The following SASS6 variants were observed in gnomAD, a reference collection of about 807,000 sequenced individuals.
SASS6 encodes SAS-6 centriolar assembly protein, also known as spindle assembly abnormal protein 6 homolog.
SASS6 carries 59 observed loss-of-function variants against 94.9 expected under a neutral mutation model. That is an observed-to-expected ratio of 0.62 (90% CI 0.50 to 0.77). SASS6 has a LOEUF of 0.77. Among genes scored for constraint, SASS6 ranks in the 30% least tolerant of loss-of-function variants. The probability of loss-of-function intolerance (pLI) is 0.00; values close to 1 mark genes in which losing one functional copy is unlikely to be tolerated. For missense variants in SASS6, 698 were observed against 734.1 expected (o/e 0.95, Z 0.57); for synonymous variants, 264 against 270.0 (o/e 0.98, Z 0.22).
chr1:100,109,959 G>C (rs140307696), intron 8 of SASS6, among the ~76,000 whole-genome samples: 1 of 151,594 alleles, frequency 6.6e-6, no homozygotes, highest in African/African-American at 2.4e-5. Flanking sequence ...TGTTAAGCAG[G>C]TTGAGGAAAA....
chr1:100,129,270 GA>G (rs200532425), intron 1 of SASS6, among the ~76,000 whole-genome samples: 1,536 of 151,830 alleles, frequency 0.01, 10 homozygotes, highest in Middle Eastern at 0.017. Flanking sequence ...TTGAACATAG[GA>G]TGACACAAAC....
intron 14 of SASS6, among the ~76,000 whole-genome samples, chr1:100,095,068 T>C (rs565436707): frequency 7.2e-5 from 11 of 152,176 alleles, no homozygotes; most frequent in Middle Eastern, 3.4e-3. Context: ...TTAACAACCA[T>C]TCATGATAAA....
Position 100,103,895 on chromosome 1 carries a change from T to C in SASS6, c.1546-812A>G, listed in dbSNP as rs199857885. On this transcript the variant is annotated intron_variant, in intron 13 of 16. Coordinates refer to ENST00000287482, the MANE Select transcript of SASS6 (RefSeq NM_194292.3). ...GTAGCCAAGGACCACCAGGAACCCA[T>C]GTATAGATATACGAGCTAGATTTAT... is the stretch of plus-strand genomic sequence containing the variant. Among the ~76,000 whole-genome samples, 8 of 152,304 alleles carry C rather than the reference T, an allele frequency of 5.3e-5. No individual in the cohort carries two copies. The East Asian group carries it at 1.3e-3, about 26-fold the overall frequency.
In SASS6 at chr1:100,130,658, C is replaced by T. The variant is rs1369719419; in HGVS notation, c.65+2092G>A. ...GAGCTGTAATCGTGCTACAATACTC[C>T]AGTCTGGGCAACAGAGCGAGACTCT... On this transcript the variant is annotated intron_variant, in intron 1 of 16. Transcript: ENST00000287482. Among the ~76,000 whole-genome samples the T allele has an allele frequency of 2.1e-5, 3 of 144,624 alleles. No individual in the cohort carries two copies. The Admixed American group carries it at 2.1e-4, about 10-fold the overall frequency. 94.9% of individuals were successfully genotyped at this position (144,624 alleles called of 152,430 possible).
intron 12 of SASS6, among the ~76,000 whole-genome samples, chr1:100,106,144 C>G (rs977719017): frequency 6.6e-6 from 1 of 152,142 alleles, no homozygotes; most frequent in African/African-American, 2.4e-5. Flanking sequence ...GCTAGTCAAG[C>G]AACTCTTTGA....
rs115457450 is a variant in SASS6 at position 100,124,844 on chromosome 1, C to T, written c.126+1038G>A. On this transcript the variant is annotated intron_variant, in intron 2 of 16. Coordinates refer to ENST00000287482, the MANE Select transcript of SASS6 (RefSeq NM_194292.3). ...CCATTAGATTCTCATAAGGAGCATA[C>T]AGCTGAGATCCCTTGCATGTACAGT... 1.9e-3 allele frequency among the ~76,000 whole-genome samples: 288 copies of T among 152,338 alleles called. 1 individual carries two copies. The highest frequency in any genetic ancestry group is 6.8e-3 in the Middle Eastern group (2 of 294).
chr1:100,106,508 G>T lies in SASS6; in HGVS notation c.1408+404C>A, dbSNP rs367753214. On this transcript the variant is annotated intron_variant, in intron 12 of 16. Transcript: ENST00000287482. ...TAAAGCAGAAATTACTTATATATTGGCCAATGTCTACTTTTATGAATTCGA... is the reference window on the plus strand; with the variant it reads ...TAAAGCAGAAATTACTTATATATTGTCCAATGTCTACTTTTATGAATTCGA... 8.5e-5 allele frequency among the ~76,000 whole-genome samples: 13 copies of T among 152,172 alleles called. No individual in the cohort carries two copies. The East Asian group carries it at 1.9e-3, about 23-fold the overall frequency.
chr1:100,130,036 A>G (rs1654884042), intron 1 of SASS6, among the ~76,000 whole-genome samples: 1 of 152,212 alleles, frequency 6.6e-6, no homozygotes. Flanking sequence ...TTCTCATAAT[A>G]CCATGAAGTA....
Position 100,121,359 on chromosome 1 carries a change from A to C in SASS6, c.483+19T>G. ...TGATACTTATTTTGTTAAAAGAATA[A>C]CTTAAATTTAAATCTTACCTTGCTA... On this transcript the variant is annotated intron_variant, in intron 5 of 16. Coordinates refer to ENST00000287482, the MANE Select transcript of SASS6 (RefSeq NM_194292.3). The C allele has an allele frequency of 2.8e-6, 4 of 1,439,840 alleles. No homozygotes were observed. Among genetic ancestry groups the C allele is most frequent in the Non-Finnish European group, 3.8e-6 (4 of 1,054,988 alleles). The allele number at this position is 1,439,840 out of a possible 1,614,324, so 89.2% of individuals were successfully genotyped here.
At chr1:100,126,898 AC>A (rs1267167909) in intron 1 of SASS6, among the ~76,000 whole-genome samples, 1 of 152,252 alleles carries the variant, frequency 6.6e-6, no homozygotes, top group African/African-American at 2.4e-5. Context: ...TTTCACATCC[AC>A]GAATTAAATC....
intron 14 of SASS6, 150 bp downstream of exon 14, chr1:100,102,805 C>A: frequency 3.5e-6 from 2 of 565,172 alleles, no homozygotes; most frequent in Non-Finnish European, 6.3e-6. Flanking sequence ...CACATAGATA[C>A]TAGATATTCA....
rs368431755 is a variant in SASS6, at chr1:100,107,917, C to T, written c.949G>A (p.Val317Ile). ...DVECHEKEKH[V>I]NQLQTKVAVL... ...GCCACTTTTGTTTGTAGCTGATTAA[C>T]GTGCTTTTCTTTCTCGTGGCATTCA... Residue 317 changes from valine (V) to isoleucine (I), a missense_variant, in exon 9 of 17, where the codon GTT becomes ATT. Transcript: ENST00000287482. 64 of 1,612,048 alleles carry T rather than the reference C, an allele frequency of 4.0e-5. No homozygotes were observed. The highest frequency in any genetic ancestry group is 6.6e-5 in the South Asian group (6 of 91,034).
intron 1 of SASS6, among the ~76,000 whole-genome samples, chr1:100,130,706 A>G (rs1416337929): frequency 9.9e-6 from 1 of 100,510 alleles, no homozygotes; most frequent in Non-Finnish European, 2.2e-5. Flanking sequence ...AAAAAAAAAG[A>G]GAGAGAGAAA....
At chr1:100,123,757 C>T (rs1654371457) in intron 2 of SASS6, among the ~76,000 whole-genome samples, 1 of 152,206 alleles carries the variant, frequency 6.6e-6, no homozygotes, top group South Asian at 2.1e-4. Context: ...TCTCAGAAGA[C>T]CAGGGTATCA....
chr1:100,131,070 A>G (rs1391156326), intron 1 of SASS6, among the ~76,000 whole-genome samples: 2 of 152,258 alleles, frequency 1.3e-5, no homozygotes, highest in Admixed American at 1.3e-4. Context: ...GAGTTTCCAT[A>G]TTGAAACCAA....
chr1:100,119,265 A>G (rs990373145), intron 6 of SASS6, 128 bp from the exon 7 acceptor site: 4 of 471,180 alleles, frequency 8.5e-6, no homozygotes, highest in African/African-American at 8.1e-5. Context: ...ACATGTTCAA[A>G]GCCTTTTCCT....
rs1170287044 is a variant in SASS6 at position 100,083,627 on chromosome 1, T to C, written c.*1701A>G. On this transcript the variant is annotated 3_prime_UTR_variant, in exon 17 of 17. Coordinates refer to ENST00000287482, the MANE Select transcript of SASS6 (RefSeq NM_194292.3). ...CAAAGTTTACAGAAATAACATTAAA[T>C]GCAACACTTTTTGATTATTAACACA... is the stretch of plus-strand genomic sequence containing the variant. 1 of 152,074 alleles carries C rather than the reference T, an allele frequency of 6.6e-6. No individual in the cohort carries two copies. Among genetic ancestry groups the C allele is most frequent in the Non-Finnish European group, 1.5e-5 (1 of 67,940 alleles). 9.4% of individuals were successfully genotyped at this position (152,074 alleles called of 1,614,324 possible). A position where few individuals can be genotyped will look rare whatever the true frequency, so the allele number is the denominator to read the frequency against.
At chr1:100,108,107 ATAATTT>A (rs1200260866) in intron 8 of SASS6, 103 bp from the exon 9 acceptor site, 10 of 639,322 alleles carry the variant, frequency 1.6e-5, no homozygotes, top group Non-Finnish European at 2.2e-5. Flanking sequence ...AAAGTCTTTA[ATAATTT>A]TAAAGTTTTA....
intron 8 of SASS6, among the ~76,000 whole-genome samples, chr1:100,109,274 T>C (rs1653131846): frequency 6.6e-6 from 1 of 152,080 alleles, no homozygotes; most frequent in South Asian, 2.1e-4. Flanking sequence ...GGTCAGGCTT[T>C]AGAGCTTCTA....
Sources: gnomAD v4.1 joint callset for allele counts (sites outside exome capture counted in the v4.1 genomes callset) on GRCh38, gnomAD v4.1.1 for gene constraint, MANE v1.5 for transcripts, NCBI Gene and HGNC (gene_info 2026-07-23, HGNC 2026-07-21) for gene names.